Variants in ASB16 observed in about 807,000 individuals in gnomAD.
ASB16 encodes the protein ankyrin repeat and SOCS box containing 16.
ASB16 carries 44 observed loss-of-function variants against 39.1 expected under a neutral mutation model. The observed-to-expected ratio is 1.13, with a 90% CI of 0.88 to 1.45. The LOEUF (loss-of-function observed/expected upper bound fraction) is 1.45, where lower values mean the gene tolerates loss of function less well. Ranked by LOEUF, ASB16 falls within the 40% of genes most tolerant of loss-of-function variation. The probability of loss-of-function intolerance (pLI) is 0.00; values close to 1 mark genes in which losing one functional copy is unlikely to be tolerated. For synonymous variants in ASB16, 305 were observed against 286.7 expected, an observed-to-expected ratio of 1.06 and a Z score of -0.64; for missense variants, 698 against 634.5, an observed-to-expected ratio of 1.10 and a Z score of -1.07.
In ASB16 at chr17:44,177,247, T is replaced by TGACATAGGAGGCTCC. The variant is rs1483539284; in HGVS notation, c.1062+18_1062+32dup. On this transcript the variant is annotated intron_variant, in intron 3 of 4. Coordinates refer to ENST00000293414, the MANE Select transcript of ASB16 (RefSeq NM_080863.5). The stretch of plus-strand genomic sequence containing the variant: ...CGCCCTGAGGTGCGCTGGGAGGCCC[T>TGACATAGGAGGCTCC]GACATAGGAGGCTCCTGTGTGGGGG... 5.9e-6 allele frequency: 9 copies of TGACATAGGAGGCTCC among 1,523,998 alleles called. No homozygotes were observed. In the South Asian group the frequency reaches 6.2e-5, roughly 10 times the overall value. 94.4% of individuals were successfully genotyped at this position (1,523,998 alleles called of 1,614,324 possible).
At position 44,172,170 on chromosome 17, in the gene ASB16, G is replaced by T. The variant is rs2054248506; in HGVS notation, c.426G>T (p.Gly142=). 1.2e-6 allele frequency: 2 copies of T among 1,612,196 alleles called. No homozygotes were observed. Among genetic ancestry groups the T allele is most frequent in the Non-Finnish European group, 8.5e-7 (1 of 1,179,958 alleles). ...RQGAELDARV[G]GRAALHEACA... The stretch of plus-strand genomic sequence containing the variant: ...GAGCTGAGCTGGATGCCCGTGTCGG[G>T]GGTCGCGCTGCCTTGCATGAGGCCT... Residue 142 remains glycine, a synonymous_variant, in exon 2 of 5, where the codon GGG becomes GGT. Transcript: ENST00000293414.
At chr17:44,174,135 G>C (rs1766625142) in intron 2 of ASB16, among the ~76,000 whole-genome samples, 1 of 151,398 alleles carries the variant, frequency 6.6e-6, no homozygotes. Flanking sequence ...CGCCTCCCGG[G>C]TTCCCGCCAT....
intron 1 of ASB16, 42 bp downstream of exon 1, chr17:44,171,132 AG>A: frequency 6.4e-7 from 1 of 1,562,458 alleles, no homozygotes; most frequent in Non-Finnish European, 8.7e-7. Flanking sequence ...GGGAGAAAGA[AG>A]GGGAGTGGGT....
At chr17:44,171,126 G>A in intron 1 of ASB16, 36 bp downstream of exon 1, 5 of 1,580,710 alleles carry the variant, frequency 3.2e-6, no homozygotes, top group Non-Finnish European at 4.3e-6. Context: ...AGAGGAGGGA[G>A]AAAGAAGGGG....
Position 44,178,438 on chromosome 17 carries a change from C to A in ASB16, c.*48C>A. The A allele has an allele frequency of 6.7e-7, 1 of 1,502,654 alleles. No individual in the cohort carries two copies. Among genetic ancestry groups the A allele is most frequent in the South Asian group, 1.3e-5 (1 of 78,526 alleles). The allele number at this position is 1,502,654 out of a possible 1,614,324, so 93.1% of individuals were successfully genotyped here. A position where few individuals can be genotyped will look rare whatever the true frequency, so the allele number is the denominator to read the frequency against. ...GGTGTGTTCTGCCCCTCCCACCTGT[C>A]CCCGCCTCCAACTGCGGAGGACCAG... On this transcript the variant is annotated 3_prime_UTR_variant, in exon 5 of 5. Coordinates refer to ENST00000293414, the MANE Select transcript of ASB16 (RefSeq NM_080863.5).
Position 44,172,033 on chromosome 17 carries a change from T to C in ASB16, c.302-13T>C, listed in dbSNP as rs1430584980. 1.9e-6 allele frequency: 3 copies of C among 1,603,696 alleles called. No individual in the cohort carries two copies. The highest frequency in any genetic ancestry group is 1.7e-4 in the Middle Eastern group (1 of 6,032). On this transcript the variant is annotated splice_polypyrimidine_tract_variant and intron_variant, in intron 1 of 4. Coordinates refer to ENST00000293414, the MANE Select transcript of ASB16 (RefSeq NM_080863.5). ...CTTATACACCACCTCCCAAAACTAT[T>C]TGCTCTCCCTAGGGTTCTGGGTGCT...
Position 44,177,098 on chromosome 17 carries a change from T to C in ASB16, c.930T>C (p.Ala310=). ...TGCTGCTGCGTTACGGGGCCCGCGC[T>C]GAGGTCCCCAATGGGGCGGGCCACA... ...AELLLRYGAR[A]EVPNGAGHTP... Residue 310 remains alanine, a synonymous_variant, in exon 3 of 5, where the codon GCT becomes GCC. Coordinates refer to ENST00000293414, the MANE Select transcript of ASB16 (RefSeq NM_080863.5). 6.7e-7 allele frequency: 1 copy of C among 1,481,958 alleles called. No individual in the cohort carries two copies. The highest frequency in any genetic ancestry group is 1.3e-5 in the South Asian group (1 of 76,584). 91.8% of individuals were successfully genotyped at this position (1,481,958 alleles called of 1,614,324 possible). A position where few individuals can be genotyped will look rare whatever the true frequency, so the allele number is the denominator to read the frequency against.
In ASB16 at chr17:44,176,788, G is replaced by A. The variant is rs779799451; in HGVS notation, c.620G>A (p.Gly207Asp). 1.2e-6 allele frequency: 2 copies of A among 1,613,638 alleles called. No individual in the cohort carries two copies. Among genetic ancestry groups the A allele is most frequent in the Non-Finnish European group, 1.7e-6 (2 of 1,179,940 alleles). ...EAGATVNLAA[G>D]ESQETPLHVA... ...GGAGCGACGGTGAACCTGGCAGCAGGCGAGAGCCAGGAGACGCCCCTGCAC... is the reference window on the plus strand; with the variant it reads ...GGAGCGACGGTGAACCTGGCAGCAGACGAGAGCCAGGAGACGCCCCTGCAC... Residue 207 changes from glycine (G) to aspartate (D), a missense_variant, in exon 3 of 5, where the codon GGC becomes GAC. Physicochemically the swap from Gly to Asp is moderately conservative, Grantham distance 94. Coordinates refer to ENST00000293414, the MANE Select transcript of ASB16 (RefSeq NM_080863.5).
At position 44,172,061 on chromosome 17, in the gene ASB16, C is replaced by A. The variant is rs778143490; in HGVS notation, c.317C>A (p.Thr106Asn). 9.9e-6 allele frequency: 16 copies of A among 1,612,156 alleles called. No individual in the cohort carries two copies. Among genetic ancestry groups the A allele is most frequent in the Non-Finnish European group, 8.5e-6 (10 of 1,179,884 alleles). ...WSAEQGFWVL[T>N]PKTKQTAPLA... is the part of the protein sequence containing the mutation. Reference sequence around the variant, plus strand: ...CTCTCCCTAGGGTTCTGGGTGCTGACCCCCAAGACCAAGCAGACGGCACCC... The same window carrying A: ...CTCTCCCTAGGGTTCTGGGTGCTGAACCCCAAGACCAAGCAGACGGCACCC... The change falls in exon 2 of 5, where the codon ACC becomes AAC. Residue 106 changes from threonine (T) to asparagine (N), a missense_variant. Thr to Asn is a moderately conservative substitution (Grantham distance 65). Transcript: ENST00000293414.
At chr17:44,171,997 C>T (rs1350176667) in intron 1 of ASB16, 49 bp from the exon 2 acceptor site, 7 of 1,569,620 alleles carry the variant, frequency 4.5e-6, no homozygotes, top group Admixed American at 3.5e-5. Flanking sequence ...CCACTCCCTG[C>T]CCTGCCCTGT....
intron 3 of ASB16, 96 bp from the exon 4 acceptor site, chr17:44,177,513 C>G (rs1264883667): frequency 6.8e-7 from 1 of 1,460,360 alleles, no homozygotes; most frequent in South Asian, 1.3e-5. Flanking sequence ...CTTAGCCCCC[C>G]AGATTAGGCT....
At chr17:44,172,732 T>C (rs2054253191) in intron 2 of ASB16, among the ~76,000 whole-genome samples, 1 of 150,510 alleles carries the variant, frequency 6.6e-6, no homozygotes, top group Admixed American at 6.7e-5. Flanking sequence ...TTCAAATGCC[T>C]CAGCCTCCCA....
chr17:44,173,316 C>T (rs538816251), intron 2 of ASB16, among the ~76,000 whole-genome samples: 191 of 136,808 alleles, frequency 1.4e-3, no homozygotes, highest in African/African-American at 5.1e-3. Flanking sequence ...TCGCTTGAAC[C>T]CGGGATGCAG....
intron 3 of ASB16, 158 bp from the exon 4 acceptor site, chr17:44,177,451 T>C (rs2054314949): frequency 2.6e-6 from 3 of 1,136,996 alleles, no homozygotes; most frequent in East Asian, 2.6e-5. Context: ...GGTTGGAGCA[T>C]ACTTGAGGGT....
chr17:44,172,198 G>A lies in ASB16; in HGVS notation c.454G>A (p.Ala152Thr), dbSNP rs2054248905. The A allele has an allele frequency of 1.2e-6, 2 of 1,613,450 alleles. No homozygotes were observed. Among genetic ancestry groups the A allele is most frequent in the Non-Finnish European group, 1.7e-6 (2 of 1,180,040 alleles). ...GGRAALHEAC[A>T]RAQFDCVRLL... Reference sequence around the variant, plus strand: ...TCGCGCTGCCTTGCATGAGGCCTGTGCCCGAGCCCAGTTTGACTGTGTGCG... The same window carrying A: ...TCGCGCTGCCTTGCATGAGGCCTGTACCCGAGCCCAGTTTGACTGTGTGCG... The change falls in exon 2 of 5, where the codon GCC (alanine) becomes ACC (threonine). Residue 152 changes from alanine (A) to threonine (T), a missense_variant. Transcript: ENST00000293414.
At chr17:44,173,049 G>A (rs1361032469) in intron 2 of ASB16, among the ~76,000 whole-genome samples, 2 of 144,364 alleles carry the variant, frequency 1.4e-5, no homozygotes, top group Non-Finnish European at 3.0e-5. Context: ...GCAGTGAGCC[G>A]AGATTCTGCC....
chr17:44,178,177 A>C, intron 4 of ASB16, 28 bp from the exon 5 acceptor site: 5 of 1,610,536 alleles, frequency 3.1e-6, no homozygotes, highest in Non-Finnish European at 4.2e-6. Context: ...GGCAAGGGTC[A>C]TCTGACCTTC....
chr17:44,177,358 C>T, intron 3 of ASB16, 128 bp downstream of exon 3: 1 of 1,344,182 alleles, frequency 7.4e-7, no homozygotes, highest in Non-Finnish European at 9.9e-7. Context: ...AGGGGGCTGT[C>T]CCCAGCTTGG....
chr17:44,171,333 A>T (rs2054241350), intron 1 of ASB16, among the ~76,000 whole-genome samples: 1 of 152,118 alleles, frequency 6.6e-6, no homozygotes, highest in Non-Finnish European at 1.5e-5. Context: ...TGGGAGGCCA[A>T]GGCAGGCGGA....
Sources: allele counts gnomAD v4.1 joint callset (sites outside exome capture counted in the v4.1 genomes callset), GRCh38; gene constraint gnomAD v4.1.1; transcripts MANE v1.5; gene names NCBI Gene and HGNC (gene_info 2026-07-23, HGNC 2026-07-21).